Variants in SFRP1 observed in about 807,000 individuals in gnomAD.
SFRP1 encodes secreted frizzled-related protein 1.
Under a neutral mutation model 25.9 loss-of-function variants are expected in SFRP1, and 9 were observed. The ratio of observed to expected loss-of-function variants is 0.35; its 90% CI spans 0.21 to 0.61. The LOEUF (loss-of-function observed/expected upper bound fraction) is 0.61, where lower values mean the gene tolerates loss of function less well. SFRP1 is among the 20% of genes least tolerant of loss of function. The pLI, the probability that SFRP1 is intolerant of heterozygous loss-of-function variation, is 0.78. For missense variants in SFRP1, 346 were observed against 418.2 expected (o/e 0.83, Z 1.51); for synonymous variants, 178 against 174.0 (o/e 1.02, Z -0.18).
At chr8:41,272,653 G>A (rs1345203424) in intron 2 of SFRP1, among the ~76,000 whole-genome samples, 1 of 152,068 alleles carries the variant, frequency 6.6e-6, no homozygotes, top group Admixed American at 6.5e-5. Flanking sequence ...TAAAAGATAA[G>A]GTTGAAGAAA....
intron 2 of SFRP1, among the ~76,000 whole-genome samples, chr8:41,267,351 T>C (rs949282271): frequency 2.0e-5 from 3 of 152,204 alleles, no homozygotes; most frequent in African/African-American, 4.8e-5. Context: ...GGACATGCTC[T>C]ATAAACGAAG....
chr8:41,283,822 C>A (rs1803665329), intron 2 of SFRP1, among the ~76,000 whole-genome samples: 1 of 152,178 alleles, frequency 6.6e-6, no homozygotes, highest in South Asian at 2.1e-4. Flanking sequence ...CTTGGCCTCC[C>A]AAAGTGCTGG....
intron 2 of SFRP1, among the ~76,000 whole-genome samples, chr8:41,280,618 T>C (rs1803623630): frequency 6.6e-6 from 1 of 152,138 alleles, no homozygotes. Context: ...TAAAAACCCA[T>C]ACGACCCCAA....
rs117557152 is a variant in SFRP1 at position 41,296,573 on chromosome 8, A to G, written c.622+6888T>C. Among the ~76,000 whole-genome samples the G allele has an allele frequency of 1.3e-4, 20 of 152,118 alleles. No homozygotes were observed. In the East Asian group the frequency reaches 3.3e-3, roughly 25 times the overall value. Reference sequence around the variant, plus strand: ...GCAAAACTGGATGAAACTTACCAATATTTAAAAGCTCATTCGCATTATAAT... The same window carrying G: ...GCAAAACTGGATGAAACTTACCAATGTTTAAAAGCTCATTCGCATTATAAT... On this transcript the variant is annotated intron_variant, in intron 2 of 2. Transcript: ENST00000220772.
intron 2 of SFRP1, among the ~76,000 whole-genome samples, chr8:41,289,814 T>A (rs1432266177): frequency 1.3e-5 from 2 of 152,252 alleles, no homozygotes; most frequent in Non-Finnish European, 2.9e-5. Context: ...GTTTGTATAA[T>A]GGCATCAATG....
chr8:41,264,100 G>A lies in SFRP1; in HGVS notation c.*1067C>T, dbSNP rs1803405204. On this transcript the variant is annotated 3_prime_UTR_variant, in exon 3 of 3. Coordinates refer to ENST00000220772, the MANE Select transcript of SFRP1 (RefSeq NM_003012.5). ...AATGCCTGGGGAGAGCTGCTCCTCTGGGAAGCAGCCTCGGACGGATCAGGA... is the reference window on the plus strand; with the variant it reads ...AATGCCTGGGGAGAGCTGCTCCTCTAGGAAGCAGCCTCGGACGGATCAGGA... 6.6e-6 allele frequency: 1 copy of A among 152,238 alleles called. No homozygotes were observed. The highest frequency in any genetic ancestry group is 1.5e-5 in the Non-Finnish European group (1 of 68,052). 9.4% of individuals were successfully genotyped at this position (152,238 alleles called of 1,614,324 possible).
At chr8:41,285,280 A>G (rs1486197203) in intron 2 of SFRP1, among the ~76,000 whole-genome samples, 2 of 152,020 alleles carry the variant, frequency 1.3e-5, no homozygotes, top group Non-Finnish European at 2.9e-5. Flanking sequence ...CACCAGAACC[A>G]GGACTCCCGA....
At chr8:41,303,372 A>G (rs1803952499) in intron 2 of SFRP1, 89 bp downstream of exon 2, 1 of 934,650 alleles carries the variant, frequency 1.1e-6, no homozygotes, top group Admixed American at 1.8e-5. Flanking sequence ...GAAAGCTGCA[A>G]CGAGATACAT....
chr8:41,303,468 G>A lies in SFRP1; in HGVS notation c.615C>T (p.Ser205=), dbSNP rs138725128. ...SEAIIEHLCA[S]EFALRMKIKE... ...CTAGAAACGCTTTCTTACCAAACTCGCTGGCACAGAGATGTTCAATGATGG... is the reference window on the plus strand; with the variant it reads ...CTAGAAACGCTTTCTTACCAAACTCACTGGCACAGAGATGTTCAATGATGG... Residue 205 remains serine (S), a synonymous_variant, in exon 2 of 3, where the codon AGC becomes AGT. Coordinates refer to ENST00000220772, the MANE Select transcript of SFRP1 (RefSeq NM_003012.5). 2.4e-4 allele frequency: 380 copies of A among 1,613,314 alleles called. No individual in the cohort carries two copies. The highest frequency in any genetic ancestry group is 6.5e-4 in the African/African-American group (49 of 74,928).
intron 2 of SFRP1, among the ~76,000 whole-genome samples, chr8:41,296,787 T>C (rs545090410): frequency 1.1e-4 from 16 of 152,008 alleles, no homozygotes; most frequent in Admixed American, 5.2e-4. Flanking sequence ...GAGAACGCGT[T>C]AGGTAGAGTG....
chr8:41,290,559 C>T (rs534355732), intron 2 of SFRP1, among the ~76,000 whole-genome samples: 5 of 152,310 alleles, frequency 3.3e-5, no homozygotes, highest in South Asian at 4.1e-4. Flanking sequence ...CTCTGGCTCC[C>T]GCTCTGCACA....
intron 2 of SFRP1, among the ~76,000 whole-genome samples, chr8:41,289,155 G>A (rs1214998724): frequency 6.6e-6 from 1 of 152,198 alleles, no homozygotes; most frequent in Non-Finnish European, 1.5e-5. Context: ...GTGTTCCCAG[G>A]GGCCTTGCCT....
chr8:41,306,673 C>T, intron 1 of SFRP1: 1 of 1,582,478 alleles, frequency 6.3e-7, no homozygotes, highest in South Asian at 1.1e-5. Flanking sequence ...CGGCCCTCTC[C>T]CCACTTTTCT....
Position 41,265,403 on chromosome 8 carries a change from G to A in SFRP1, c.709C>T (p.Pro237Ser). ...PKKKKPLKLG[P>S]IKKKDLKKLV... ...TTCTTCAGGTCCTTCTTCTTGATGG[G>A]CCCCAACTTCAGGGGCTTCTTCTTC... is the stretch of plus-strand genomic sequence containing the variant. Residue 237 changes from proline (P) to serine (S), a missense_variant, in exon 3 of 3, where the codon CCC (proline) becomes TCC (serine). Coordinates refer to ENST00000220772, the MANE Select transcript of SFRP1 (RefSeq NM_003012.5). 1.2e-6 allele frequency: 2 copies of A among 1,613,730 alleles called. No individual in the cohort carries two copies. The highest frequency in any genetic ancestry group is 1.1e-5 in the South Asian group (1 of 91,034).
chr8:41,270,821 CAA>C (rs5891135), intron 2 of SFRP1, among the ~76,000 whole-genome samples: 1 of 122,768 alleles, frequency 8.1e-6, no homozygotes. Context: ...GACTCCATCT[CAA>C]AAAAAAAAAA....
intron 2 of SFRP1, chr8:41,277,077 A>G (rs1269725764): frequency 2.2e-6 from 1 of 455,490 alleles, no homozygotes; most frequent in Non-Finnish European, 4.4e-6. Flanking sequence ...CCACTCTGAG[A>G]GCAAAGTGCT....
In SFRP1 at chr8:41,265,420, T is replaced by G. The variant is rs151006069; in HGVS notation, c.692A>C (p.Lys231Thr). Residue 231 changes from lysine to threonine, a missense_variant, in exon 3 of 3, where the codon AAG becomes ACG. By Grantham distance (78) the Lys-to-Thr change is moderately conservative (BLOSUM62 -1). Coordinates refer to ENST00000220772, the MANE Select transcript of SFRP1 (RefSeq NM_003012.5). ...GDKKIVPKKK[K>T]PLKLGPIKKK... Reference sequence around the variant, plus strand: ...CTTGATGGGCCCCAACTTCAGGGGCTTCTTCTTCTTGGGGACAATCTTCTT... The same window carrying G: ...CTTGATGGGCCCCAACTTCAGGGGCGTCTTCTTCTTGGGGACAATCTTCTT... 96 of 1,612,544 alleles carry G rather than the reference T, an allele frequency of 6.0e-5. No individual in the cohort carries two copies. Among genetic ancestry groups the G allele is most frequent in the Non-Finnish European group, 7.8e-5 (92 of 1,179,744 alleles).
At chr8:41,305,321 T>C (rs1430093317) in intron 1 of SFRP1, among the ~76,000 whole-genome samples, 1 of 152,222 alleles carries the variant, frequency 6.6e-6, no homozygotes, top group Non-Finnish European at 1.5e-5. Flanking sequence ...ACACTTGAAG[T>C]TCGCCTGAAC....
chr8:41,307,854 T>A (rs1186613939), intron 1 of SFRP1, among the ~76,000 whole-genome samples: 1 of 152,138 alleles, frequency 6.6e-6, no homozygotes, highest in Admixed American at 6.5e-5. Context: ...CGGGAGGAGA[T>A]GAACAATGAG....
Sources: allele counts gnomAD v4.1 joint callset (sites outside exome capture counted in the v4.1 genomes callset), GRCh38; gene constraint gnomAD v4.1.1; transcripts MANE v1.5; gene names NCBI Gene and HGNC (gene_info 2026-07-23, HGNC 2026-07-21).